The following CENPN variants were observed in gnomAD, a reference collection of about 807,000 sequenced individuals.
CENPN encodes the protein centromere protein N.
In CENPN, 36 loss-of-function variants were observed where a neutral mutation model predicts 48.6. The ratio of observed to expected loss-of-function variants is 0.74; its 90% CI spans 0.57 to 0.98. The LOEUF (loss-of-function observed/expected upper bound fraction) is 0.98. Among genes scored for constraint, CENPN ranks in the 50% least tolerant of loss-of-function variants. The pLI, the probability that CENPN is intolerant of heterozygous loss-of-function variation, is 0.00. For missense variants in CENPN, 439 were observed against 399.2 expected (o/e 1.10, Z -0.85); for synonymous variants, 166 against 135.2 (o/e 1.23, Z -1.58).
At chr16:81,020,978 G>C (rs997273489) in intron 6 of CENPN, among the ~76,000 whole-genome samples, 2 of 151,854 alleles carry the variant, frequency 1.3e-5, no homozygotes, top group Non-Finnish European at 2.9e-5. Context: ...TGTAATCCCA[G>C]TTACTTGGGA....
chr16:81,012,064 GAC>G lies in CENPN; in HGVS notation c.127_128del (p.Gln43GlufsTer14), dbSNP rs1567547199. 7 of 1,614,110 alleles carry G rather than the reference GAC, an allele frequency of 4.3e-6. No individual in the cohort carries two copies. The highest frequency in any genetic ancestry group is 5.9e-6 in the Non-Finnish European group (7 of 1,180,020). On this transcript the variant is annotated frameshift_variant, in exon 2 of 11. Coordinates refer to ENST00000305850, the MANE Select transcript of CENPN (RefSeq NM_001100624.3). LOFTEE classifies it high-confidence loss of function. ...AATCAACTGCAGACTGTAAATTTCCGACAGAGAAAGGAATCTGTAGTTCAGCA... is the reference window on the plus strand; with the variant it reads ...AATCAACTGCAGACTGTAAATTTCCGAGAGAAAGGAATCTGTAGTTCAGCA...
chr16:81,025,251 C>G (rs544108929), intron 8 of CENPN, among the ~76,000 whole-genome samples: 80 of 152,260 alleles, frequency 5.3e-4, no homozygotes, highest in African/African-American at 1.8e-3. Context: ...GGATAAACTT[C>G]TAGAACAATG....
At chr16:81,019,963 C>A in intron 5 of CENPN, 137 bp from the exon 6 acceptor site, 2 of 537,086 alleles carry the variant, frequency 3.7e-6, no homozygotes, top group South Asian at 3.7e-5. Context: ...TCATGAAAAG[C>A]AGAAAAGACT....
chr16:81,016,219 A>G (rs1200429872), intron 3 of CENPN, among the ~76,000 whole-genome samples: 1 of 151,954 alleles, frequency 6.6e-6, no homozygotes, highest in Non-Finnish European at 1.5e-5. Flanking sequence ...CATCAAACAT[A>G]TACTGAAGCC....
intron 5 of CENPN, among the ~76,000 whole-genome samples, chr16:81,019,475 C>A (rs1970079033): frequency 6.6e-6 from 1 of 151,936 alleles, no homozygotes; most frequent in Non-Finnish European, 1.5e-5. Flanking sequence ...ACCTCAGCCT[C>A]CCAAAGTGCT....
intron 3 of CENPN, among the ~76,000 whole-genome samples, chr16:81,015,209 C>G (rs1156511590): frequency 1.3e-5 from 2 of 152,192 alleles, no homozygotes; most frequent in African/African-American, 4.8e-5. Context: ...TTTTGTCTAG[C>G]TTTCCTGTCT....
At chr16:81,031,749 C>G (rs896617396), downstream of CENPN, among the ~76,000 whole-genome samples, 1 of 152,132 alleles carries the variant, frequency 6.6e-6, no homozygotes, top group African/African-American at 2.4e-5. Context: ...ATTACAGGCA[C>G]GTGCCACCAT....
intron 1 of CENPN, among the ~76,000 whole-genome samples, chr16:81,010,169 G>T (rs1158259393): frequency 6.6e-6 from 1 of 152,166 alleles, no homozygotes. Context: ...CTGCACTCCA[G>T]CCCGGGCGAC....
chr16:81,031,539 G>C (rs1336392706), downstream of CENPN: 4 of 152,208 alleles, frequency 2.6e-5, no homozygotes, highest in African/African-American at 9.7e-5. Flanking sequence ...TCAGAATTGA[G>C]TGGGACAAAA....
chr16:81,017,381 AC>A lies in CENPN; in HGVS notation c.275del (p.Pro92GlnfsTer10). The A allele has an allele frequency of 6.3e-7, 1 of 1,576,614 alleles. No homozygotes were observed. The highest frequency in any genetic ancestry group is 1.3e-5 in the African/African-American group (1 of 74,242). Reference protein sequence around the residue: ...VWEVFQMSKGPGEDVDLFDMK... With the variant: ...VWEVFQMSKGXGEDVDLFDMK... ...GGGAAGTTTTTCAGATGAGTAAAGG[AC>A]CAGGTAATATTTTCTGTTTACAATT... On this transcript the variant is annotated frameshift_variant, in exon 4 of 11. Coordinates refer to ENST00000305850, the MANE Select transcript of CENPN (RefSeq NM_001100624.3). LOFTEE classifies it high-confidence loss of function.
chr16:81,021,950 G>A (rs1317491585), intron 6 of CENPN, among the ~76,000 whole-genome samples: 1 of 152,030 alleles, frequency 6.6e-6, no homozygotes, highest in South Asian at 2.1e-4. Context: ...GTGGAGGTGG[G>A]GTTTCACCAT....
In CENPN at chr16:81,028,560, T is replaced by C. The variant is rs1567557209; in HGVS notation, c.938-9T>C. 1 of 1,567,442 alleles carries C rather than the reference T, an allele frequency of 6.4e-7. No homozygotes were observed. The highest frequency in any genetic ancestry group is 2.3e-5 in the East Asian group (1 of 43,858). The stretch of plus-strand genomic sequence containing the variant: ...TTTCTTTTTCCCTTTTTTTTTTTTT[T>C]AATTTCAGGTATTGCAGATGCTCCA... On this transcript the variant is annotated splice_polypyrimidine_tract_variant and intron_variant, in intron 10 of 10. Transcript: ENST00000305850.
rs555478772 is a variant in CENPN at position 81,030,455 on chromosome 16, G to A, written c.*1804G>A. ...AGTGTGAAACATGATATAGAAAAAT[G>A]ACTTCACTCTGGGCCGGGTGTAGTG... On this transcript the variant is annotated 3_prime_UTR_variant, in exon 11 of 11. Transcript: ENST00000305850. 1 of 963,428 alleles carries A rather than the reference G, an allele frequency of 1.0e-6. No homozygotes were observed. The highest frequency in any genetic ancestry group is 4.8e-5 in the South Asian group (1 of 20,854). The allele number at this position is 963,428 out of a possible 1,614,324, so 59.7% of individuals were successfully genotyped here. A position where few individuals can be genotyped will look rare whatever the true frequency, so the allele number is the denominator to read the frequency against.
chr16:81,012,208 C>G (rs541060467), intron 2 of CENPN, 98 bp downstream of exon 2: 3 of 1,064,798 alleles, frequency 2.8e-6, no homozygotes, highest in African/African-American at 3.2e-5. Context: ...AAGGTAGCTG[C>G]TAAACTACTA....
At position 81,029,934 on chromosome 16, in the gene CENPN, C is replaced by T. The variant is rs774957177; in HGVS notation, c.*1283C>T. ...ACAAAGGAAAGAGGCTTAACTGACGCACATTTCCACGTGGCCAGGGAGGCC... is the reference window on the plus strand; with the variant it reads ...ACAAAGGAAAGAGGCTTAACTGACGTACATTTCCACGTGGCCAGGGAGGCC... On this transcript the variant is annotated 3_prime_UTR_variant, in exon 11 of 11. Transcript: ENST00000305850. Among the ~76,000 whole-genome samples the T allele has an allele frequency of 2.1e-4, 32 of 152,208 alleles. No individual in the cohort carries two copies. Among genetic ancestry groups the T allele is most frequent in the Admixed American group, 3.9e-4 (6 of 15,288 alleles).
At chr16:81,022,458 A>G (rs1970259037) in intron 6 of CENPN, 139 bp from the exon 7 acceptor site, 2 of 675,168 alleles carry the variant, frequency 3.0e-6, no homozygotes, top group Admixed American at 2.8e-5. Flanking sequence ...GTAACAGGCT[A>G]TCAGATGTTT....
chr16:81,010,592 G>C (rs181594508), intron 1 of CENPN, among the ~76,000 whole-genome samples: 357 of 152,324 alleles, frequency 2.3e-3, no homozygotes, highest in African/African-American at 8.3e-3. Flanking sequence ...CTAGCTCTTA[G>C]CATGTCCTGT....
At chr16:81,020,894 A>G (rs867384651) in intron 6 of CENPN, among the ~76,000 whole-genome samples, 2 of 152,228 alleles carry the variant, frequency 1.3e-5, no homozygotes, top group South Asian at 2.1e-4. Flanking sequence ...GTTTGAGACC[A>G]GCCTGGCCAA....
chr16:81,019,747 G>A (rs567965180), intron 5 of CENPN, among the ~76,000 whole-genome samples: 10 of 151,878 alleles, frequency 6.6e-5, no homozygotes, highest in Admixed American at 3.3e-4. Flanking sequence ...ATGATGGCAC[G>A]TGCCTGTGGT....
Sources: gnomAD v4.1 joint callset for allele counts (sites outside exome capture counted in the v4.1 genomes callset) on GRCh38, gnomAD v4.1.1 for gene constraint, MANE v1.5 for transcripts, NCBI Gene and HGNC (gene_info 2026-07-23, HGNC 2026-07-21) for gene names.